MFGE8: variants seen among roughly 807,000 people sequenced by gnomAD.
MFGE8 encodes lactadherin.
Under a neutral mutation model 42.6 loss-of-function variants are expected in MFGE8, and 34 were observed. The ratio of observed to expected loss-of-function variants is 0.80; its 90% confidence interval spans 0.61 to 1.06. The LOEUF is 1.06. Among genes scored for constraint, MFGE8 ranks in the 50% least tolerant of loss-of-function variants. MFGE8 has a pLI of 0.00. For synonymous variants in MFGE8, 230 were observed against 214.8 expected (o/e 1.07, Z -0.62); for missense variants, 510 against 516.9 (o/e 0.99, Z 0.13).
chr15:88,901,429 G>T, intron 6 of MFGE8, 122 bp downstream of exon 6: 2 of 949,912 alleles, frequency 2.1e-6, no homozygotes, highest in East Asian at 2.6e-5. Flanking sequence ...AGAAAAACAA[G>T]GCTTTTCCAG....
At position 88,905,648 on chromosome 15, in the gene MFGE8, C is replaced by G; in HGVS notation, c.685+109G>C. On this transcript the variant is annotated intron_variant, in intron 5 of 7. Coordinates refer to ENST00000268150, the MANE Select transcript of MFGE8 (RefSeq NM_005928.4). This position sits in a 1 kb window ranked among gnomAD's most constrained non-coding sequence, Gnocchi z 6.6. Reference sequence around the variant, plus strand: ...CCCGAGTGAAGCCTGGTCCCCGTGCCTTGTTGCTGCCCTACCTAGCTCAGT... The same window carrying G: ...CCCGAGTGAAGCCTGGTCCCCGTGCGTTGTTGCTGCCCTACCTAGCTCAGT... 1 of 1,496,538 alleles carries G rather than the reference C, an allele frequency of 6.7e-7. No homozygotes were observed. The highest frequency in any genetic ancestry group is 9.2e-7 in the Non-Finnish European group (1 of 1,083,896). The allele number at this position is 1,496,538 out of a possible 1,614,324, so 92.7% of individuals were successfully genotyped here.
chr15:88,911,709 A>C (rs1898964295), intron 1 of MFGE8, among the ~76,000 whole-genome samples: 1 of 151,612 alleles, frequency 6.6e-6, no homozygotes, highest in African/African-American at 2.4e-5. Context: ...CCTGGGCGAC[A>C]CAGCAAGATT....
intron 6 of MFGE8, 29 bp downstream of exon 6, chr15:88,901,521 CA>C: frequency 1.1e-4 from 135 of 1,270,962 alleles, no homozygotes; most frequent in Middle Eastern, 2.1e-4. Flanking sequence ...CACCCAACCC[CA>C]GCCCCATATC....
In MFGE8 at chr15:88,913,313, G is replaced by T. The variant is rs4945; in HGVS notation, c.7C>A (p.Arg3Ser). 471,751 of 1,448,010 alleles carry T rather than the reference G, an allele frequency of 0.33. 78,432 individuals are homozygous for T. Among genetic ancestry groups the T allele is most frequent in the South Asian group, 0.36 (25,794 of 71,312 alleles). The allele number at this position is 1,448,010 out of a possible 1,614,324, so 89.7% of individuals were successfully genotyped here. Reference protein sequence around the residue: MPRPRLLAALCGA... With the variant: MPSPRLLAALCGA... ...CACAGCGCGGCCAGCAGGCGGGGGCGCGGCATGCTGCGGGGACGCGGGCGC... is the reference window on the plus strand; with the variant it reads ...CACAGCGCGGCCAGCAGGCGGGGGCTCGGCATGCTGCGGGGACGCGGGCGC... The change falls in exon 1 of 8, where the codon CGC (arginine) becomes AGC (serine). Residue 3 changes from arginine (R) to serine (S), a missense_variant. Arg to Ser is a moderately radical substitution (Grantham distance 110). Transcript: ENST00000268150.
In MFGE8 at chr15:88,907,390, G is replaced by C. The variant is rs963867975; in HGVS notation, c.206-14C>G. On this transcript the variant is annotated splice_polypyrimidine_tract_variant and intron_variant, in intron 2 of 7. Coordinates refer to ENST00000268150, the MANE Select transcript of MFGE8 (RefSeq NM_005928.4). Reference sequence around the variant, plus strand: ...GCTCGACACATTCTGAGGGAAGGGAGGTGGCAGTCAGGTGGCTACCCCAGC... The same window carrying C: ...GCTCGACACATTCTGAGGGAAGGGACGTGGCAGTCAGGTGGCTACCCCAGC... 3.1e-6 allele frequency: 5 copies of C among 1,613,814 alleles called. No homozygotes were observed. The African/African-American group carries it at 6.7e-5, about 22-fold the overall frequency.
Position 88,907,368 on chromosome 15 carries a change from C to T in MFGE8, c.214G>A (p.Glu72Lys), listed in dbSNP as rs767729202. Residue 72 changes from glutamate to lysine, a missense_variant, in exon 3 of 8, where the codon GAG becomes AAG. By Grantham distance (56) the Glu-to-Lys change is moderately conservative. Transcript: ENST00000268150. ...TTCCCATTCTCCAGGCCCAGTGGCT[C>T]GACACATTCTGAGGGAAGGGAGGTG... Reference protein sequence around the residue: ...AGNHCETKCVEPLGLENGNIA... With the variant: ...AGNHCETKCVKPLGLENGNIA... 14 of 1,613,984 alleles carry T rather than the reference C, an allele frequency of 8.7e-6. No individual in the cohort carries two copies. Among genetic ancestry groups the T allele is most frequent in the African/African-American group, 1.3e-5 (1 of 74,890 alleles).
chr15:88,907,709 C>CCG (rs1223617558), intron 2 of MFGE8, among the ~76,000 whole-genome samples: 1 of 150,940 alleles, frequency 6.6e-6, no homozygotes, highest in African/African-American at 2.4e-5. Context: ...AGTAGAGTCC[C>CCG]CCCCGCCAGG....
intron 2 of MFGE8, among the ~76,000 whole-genome samples, chr15:88,908,729 G>A (rs1276295784): frequency 2.6e-5 from 4 of 152,148 alleles, no homozygotes; most frequent in South Asian, 4.1e-4. Context: ...TTAGCAACCC[G>A]TCCGCCAAAC....
intron 2 of MFGE8, among the ~76,000 whole-genome samples, chr15:88,908,812 G>A (rs1201093524): frequency 6.6e-6 from 1 of 152,164 alleles, no homozygotes; most frequent in African/African-American, 2.4e-5. Flanking sequence ...CAGGCCCCAG[G>A]GCCACTTGGG....
In MFGE8 at chr15:88,898,854, C is replaced by G. The variant is rs182415985; in HGVS notation, c.*541G>C. The G allele has an allele frequency of 2.5e-4, 46 of 181,830 alleles. No individual in the cohort carries two copies. The East Asian group carries it at 5.7e-3, about 23-fold the overall frequency. 11.3% of individuals were successfully genotyped at this position (181,830 alleles called of 1,614,324 possible). ...CCTTCTGTGTCGCTGGGCTTCAGGA[C>G]AAGGGGCAAGAGAGGCAACCAGGGA... On this transcript the variant is annotated 3_prime_UTR_variant, in exon 8 of 8. Coordinates refer to ENST00000268150, the MANE Select transcript of MFGE8 (RefSeq NM_005928.4).
At chr15:88,912,959 C>G (rs2141732112) in intron 1 of MFGE8, 1 of 985,434 alleles carries the variant, frequency 1.0e-6, no homozygotes, top group Non-Finnish European at 1.2e-6. Flanking sequence ...AAGAGAGGCC[C>G]GACACAGCGG....
chr15:88,900,593 G>A (rs960714240), intron 6 of MFGE8: 30 of 487,128 alleles, frequency 6.2e-5, no homozygotes, highest in Non-Finnish European at 7.5e-5. Context: ...TGACCTCCCT[G>A]GAGAACCTGC....
chr15:88,911,946 AG>A (rs1898979765), intron 1 of MFGE8, among the ~76,000 whole-genome samples: 1 of 152,120 alleles, frequency 6.6e-6, no homozygotes, highest in African/African-American at 2.4e-5. Flanking sequence ...TTTAAATAGC[AG>A]GTAATCCTTC....
chr15:88,901,316 CAT>C (rs1898414238), intron 6 of MFGE8, among the ~76,000 whole-genome samples: 1 of 148,026 alleles, frequency 6.8e-6, no homozygotes, highest in South Asian at 2.2e-4. Flanking sequence ...CACACACACA[CAT>C]TCACACACAC....
chr15:88,910,114 C>A (rs1054297690), intron 1 of MFGE8, 191 bp from the exon 2 acceptor site: 18 of 658,342 alleles, frequency 2.7e-5, no homozygotes, highest in Admixed American at 4.7e-5. Flanking sequence ...CATGTGTAGG[C>A]GAATCGGCCC....
intron 1 of MFGE8, chr15:88,912,018 C>T: frequency 2.3e-6 from 2 of 884,474 alleles, no homozygotes; most frequent in Non-Finnish European, 3.2e-6. Flanking sequence ...TGGGAATGGA[C>T]TCTTCCCTCC....
At chr15:88,912,889 C>T in intron 1 of MFGE8, 1 of 985,362 alleles carries the variant, frequency 1.0e-6, no homozygotes. Flanking sequence ...CTAGAATCTC[C>T]CAGGTGGAAG....
chr15:88,906,597 C>A lies in MFGE8; in HGVS notation c.540+29G>T. On this transcript the variant is annotated intron_variant, in intron 4 of 7. Coordinates refer to ENST00000268150, the MANE Select transcript of MFGE8 (RefSeq NM_005928.4). The surrounding 1 kb of genome is among the most constrained non-coding windows in gnomAD (Gnocchi z 4.2). ...GAACCTTAGGGGGTATGGACCACAG[C>A]CCTTCTTTCGGGCCCCAACAAGACC... The A allele has an allele frequency of 6.2e-7, 1 of 1,613,486 alleles. No individual in the cohort carries two copies.
rs1204355286 is a variant in MFGE8, at chr15:88,901,210, C to T, written c.870+341G>A. On this transcript the variant is annotated intron_variant, in intron 6 of 7. Transcript: ENST00000268150. ...ACACACACATTCACACATTCACACA[C>T]ACACATTCACACATACACATTCACA... 4.7e-5 allele frequency among the ~76,000 whole-genome samples: 6 copies of T among 128,196 alleles called. 1 individual carries two copies. The highest frequency in any genetic ancestry group is 2.6e-4 in the South Asian group (1 of 3,892). 84.1% of individuals were successfully genotyped at this position (128,196 alleles called of 152,430 possible).
Sources: gnomAD v4.1 joint callset for allele counts (sites outside exome capture counted in the v4.1 genomes callset) on GRCh38, gnomAD v4.1.1 for gene constraint, Gnocchi (gnomAD v3.1) non-coding constraint, MANE v1.5 for transcripts, NCBI Gene and HGNC (gene_info 2026-07-23, HGNC 2026-07-21) for gene names.